KLF12: variants seen among roughly 807,000 people sequenced by gnomAD.
KLF12 encodes the protein KLF transcription factor 12, also known as Krueppel-like factor 12.
In KLF12, 9 loss-of-function variants were observed where a neutral mutation model predicts 37.8. The ratio of observed to expected loss-of-function variants is 0.24; its 90% confidence interval spans 0.14 to 0.42. The LOEUF (loss-of-function observed/expected upper bound fraction) is 0.42, where lower values mean the gene tolerates loss of function less well. KLF12 is among the 10% of genes least tolerant of loss of function. The pLI is 1.00. For synonymous variants in KLF12, 208 were observed against 202.1 expected, an observed-to-expected ratio of 1.03 and a Z score of -0.25; for missense variants, 411 against 516.0, an observed-to-expected ratio of 0.80 and a Z score of 1.97.
At chr13:73,967,679 T>C (rs1459654086) in intron 2 of KLF12, among the ~76,000 whole-genome samples, 2 of 152,232 alleles carry the variant, frequency 1.3e-5, no homozygotes, top group African/African-American at 2.4e-5. Context: ...AGGAATATTG[T>C]GTTCTCACGA....
At chr13:73,923,200 A>T (rs1055080777) in intron 3 of KLF12, among the ~76,000 whole-genome samples, 3 of 152,204 alleles carry the variant, frequency 2.0e-5, no homozygotes, top group Non-Finnish European at 4.4e-5. Flanking sequence ...CTAAAATGTG[A>T]ACTACTGCTT....
chr13:74,260,748 TTGTAAATG>T, the KLF12 span, among the ~76,000 whole-genome samples: 1 of 151,876 alleles, frequency 6.6e-6, no homozygotes, highest in South Asian at 2.1e-4. Flanking sequence ...TAGACACTAA[TTGTAAATG>T]TGTAGGAATG....
At chr13:74,115,093 C>G (rs1406723803) in intron 1 of KLF12, among the ~76,000 whole-genome samples, 1 of 152,206 alleles carries the variant, frequency 6.6e-6, no homozygotes, top group Admixed American at 6.5e-5. Flanking sequence ...TTGGGGACCA[C>G]TGTTCTAAAT....
chr13:73,738,102 T>TGTACACACAC (rs1877618017), intron 6 of KLF12, among the ~76,000 whole-genome samples: 1 of 98,578 alleles, frequency 1.0e-5, no homozygotes, highest in African/African-American at 4.4e-5. Context: ...CATATATATA[T>TGTACACACAC]ATATATATAT....
At chr13:74,296,966 G>C in the KLF12 span, among the ~76,000 whole-genome samples, 1 of 152,182 alleles carries the variant, frequency 6.6e-6, no homozygotes, top group Non-Finnish European at 1.5e-5. Context: ...TTGATGAGCA[G>C]TTGTGATCCC....
At chr13:74,217,805 T>C in the KLF12 span, among the ~76,000 whole-genome samples, 1 of 152,228 alleles carries the variant, frequency 6.6e-6, no homozygotes, top group Non-Finnish European at 1.5e-5. Context: ...ACAAGATCTG[T>C]TTCTCCTTAC....
chr13:74,241,911 G>A, the KLF12 span, among the ~76,000 whole-genome samples: 4 of 152,188 alleles, frequency 2.6e-5, no homozygotes, highest in East Asian at 1.9e-4. Context: ...CTTCTGCGTC[G>A]CTCACGCTTG....
the KLF12 span, among the ~76,000 whole-genome samples, chr13:74,142,583 G>T: frequency 6.6e-6 from 1 of 152,232 alleles, no homozygotes; most frequent in Middle Eastern, 3.4e-3. Flanking sequence ...GGCTTGACAA[G>T]AATTGTGTCT....
chr13:73,829,620 C>T (rs1884044865), intron 4 of KLF12, among the ~76,000 whole-genome samples: 1 of 151,796 alleles, frequency 6.6e-6, no homozygotes, highest in Non-Finnish European at 1.5e-5. Flanking sequence ...TCTAATATGC[C>T]CGGGTATCAG....
intron 1 of KLF12, among the ~76,000 whole-genome samples, chr13:74,114,580 T>A (rs961129352): frequency 2.0e-5 from 3 of 152,136 alleles, no homozygotes; most frequent in Non-Finnish European, 4.4e-5. Context: ...AGTCAGAAGA[T>A]TAATGGATGA....
chr13:73,776,521 A>G (rs1880617094), intron 5 of KLF12, among the ~76,000 whole-genome samples: 1 of 152,212 alleles, frequency 6.6e-6, no homozygotes, highest in Admixed American at 6.5e-5. Context: ...GATTGGACAA[A>G]TAGCAATGCA....
chr13:73,875,120 C>T (rs965205127), intron 3 of KLF12, among the ~76,000 whole-genome samples: 7 of 148,920 alleles, frequency 4.7e-5, no homozygotes, highest in African/African-American at 1.7e-4. Context: ...AGATCACTCG[C>T]CAATCAATAC....
the KLF12 span, among the ~76,000 whole-genome samples, chr13:74,167,408 C>T: frequency 6.7e-3 from 1,014 of 152,278 alleles, 13 homozygotes; most frequent in African/African-American, 0.023. Context: ...TTCCTAGACG[C>T]TGTTTCTAAC....
intron 4 of KLF12, among the ~76,000 whole-genome samples, chr13:73,819,722 G>T (rs1008582157): frequency 1.3e-5 from 2 of 152,188 alleles, no homozygotes; most frequent in Non-Finnish European, 2.9e-5. Context: ...AGCAGATGGG[G>T]TTGCATAGTG....
chr13:73,917,599 C>G (rs140649595), intron 3 of KLF12, among the ~76,000 whole-genome samples: 1 of 152,216 alleles, frequency 6.6e-6, no homozygotes, highest in African/African-American at 2.4e-5. Context: ...GCAGATCATT[C>G]TTAAGACTCA....
intron 3 of KLF12, among the ~76,000 whole-genome samples, chr13:73,854,769 C>T (rs1232011969): frequency 1.3e-5 from 2 of 152,188 alleles, no homozygotes; most frequent in African/African-American, 4.8e-5. Flanking sequence ...ACATCTAACA[C>T]AATGTAAATA....
At chr13:74,189,470 G>A in the KLF12 span, among the ~76,000 whole-genome samples, 1 of 152,152 alleles carries the variant, frequency 6.6e-6, no homozygotes, top group Admixed American at 6.5e-5. Context: ...TTGTATGAGG[G>A]ACTGCCCCCA....
intron 1 of KLF12, among the ~76,000 whole-genome samples, chr13:74,118,255 T>C (rs1421099191): frequency 2.0e-5 from 3 of 152,134 alleles, no homozygotes; most frequent in Admixed American, 6.5e-5. Context: ...TGCATGAGGG[T>C]TTCTTATACT....
intron 5 of KLF12, among the ~76,000 whole-genome samples, chr13:73,791,287 CATT>C (rs1242026620): frequency 5.9e-5 from 9 of 152,256 alleles, no homozygotes; most frequent in African/African-American, 1.7e-4. Context: ...TTTATTGCTA[CATT>C]ATTATCTAAT....
Sources: gnomAD v4.1 joint callset for allele counts (sites outside exome capture counted in the v4.1 genomes callset) on GRCh38, gnomAD v4.1.1 for gene constraint, MANE v1.5 for transcripts, NCBI Gene and HGNC (gene_info 2026-07-23, HGNC 2026-07-21) for gene names.